The following NBPF20 variants were observed in gnomAD, a reference collection of about 807,000 sequenced individuals.
NBPF20 encodes NBPF family member NBPF20.
In NBPF20, 90 loss-of-function variants were observed where a neutral mutation model predicts 68.1. The observed-to-expected ratio is 1.32, with a 90% CI of 1.11 to 1.58. The LOEUF (loss-of-function observed/expected upper bound fraction) is 1.58. Ranked by LOEUF, NBPF20 falls within the 40% of genes most tolerant of loss-of-function variation. NBPF20 has a pLI of 0.00. For synonymous variants in NBPF20, 290 were observed against 228.1 expected (o/e 1.27, Z -2.45); for missense variants, 816 against 601.2 (o/e 1.36, Z -3.74).
intron 8 of NBPF20, among the ~76,000 whole-genome samples, 151 bp downstream of exon 13, chr1:145,394,827 A>G (rs1216895796): frequency 6.6e-6 from 1 of 152,208 alleles, no homozygotes; most frequent in East Asian, 1.9e-4. Flanking sequence ...TTCAGACTCG[A>G]CTCCAGAGTG....
intron 137 of NBPF20, 34 bp from the exon 143 acceptor site, chr1:145,291,803 G>C (rs1482566444): frequency 5.6e-6 from 9 of 1,611,704 alleles, no homozygotes; most frequent in South Asian, 3.3e-5. Context: ...GAAGCAGCCA[G>C]GGAAAATCAG....
chr1:145,422,110 C>T, the NBPF20 span, among the ~76,000 whole-genome samples: 9 of 150,566 alleles, frequency 6.0e-5, no homozygotes, highest in Non-Finnish European at 1.0e-4. Context: ...CATCATATCA[C>T]GTCGGCCCTT....
intron 3 of NBPF20, 104 bp from the exon 9 acceptor site, chr1:145,402,485 A>T: frequency 8.1e-7 from 1 of 1,233,722 alleles, no homozygotes; most frequent in East Asian, 2.3e-5. Context: ...GAGACCTCGA[A>T]GCAGAAGGTC....
At chr1:145,419,803 G>T in the NBPF20 span, among the ~76,000 whole-genome samples, 10 of 152,168 alleles carry the variant, frequency 6.6e-5, no homozygotes, top group Non-Finnish European at 1.0e-4. Context: ...CCAGAGCAGG[G>T]CATGGTACCT....
chr1:145,405,650 A>T, upstream of NBPF20: 1 of 571,666 alleles, frequency 1.7e-6, no homozygotes, highest in Non-Finnish European at 3.1e-6. Context: ...CTTTGCTGAA[A>T]CACAGGCACC....
chr1:145,294,973 G>C lies in NBPF20; in HGVS notation c.16191-19C>G. 2 of 362,956 alleles carry C rather than the reference G, an allele frequency of 5.5e-6. No individual in the cohort carries two copies. Among genetic ancestry groups the C allele is most frequent in the South Asian group, 2.3e-5 (1 of 43,352 alleles). The allele number at this position is 362,956 out of a possible 1,614,324, so 22.5% of individuals were successfully genotyped here. On this transcript the variant is annotated intron_variant, in intron 133 of 137. Transcript: ENST00000369373. ...GCTGAGCCTGGAAAAGTAGGAAAAA[G>C]TAAAGAATAAGCCAGGGGGAATCAG...
At chr1:145,403,221 C>T in exon 3 of NBPF20, 1 of 1,612,512 alleles carries the variant, frequency 6.2e-7, no homozygotes. Context: ...CTCACCTGAG[C>T]TCCTCAGCTT....
upstream of NBPF20, among the ~76,000 whole-genome samples, chr1:145,410,180 G>T (rs1486507216): frequency 2.6e-5 from 4 of 151,870 alleles, no homozygotes; most frequent in Non-Finnish European, 4.4e-5. Flanking sequence ...CTCACCAACA[G>T]GTGCTATTTT....
chr1:145,410,048 G>T (rs1164829194), upstream of NBPF20, among the ~76,000 whole-genome samples: 3 of 151,940 alleles, frequency 2.0e-5, no homozygotes, highest in Non-Finnish European at 2.9e-5. Context: ...TAAATTCCTA[G>T]GAATGGAATG....
intron 8 of NBPF20, among the ~76,000 whole-genome samples, chr1:145,394,547 A>G (rs1406528257): frequency 6.6e-6 from 1 of 152,070 alleles, no homozygotes; most frequent in East Asian, 1.9e-4. Context: ...ACTGAGAGGT[A>G]GACAAGGGTG....
At chr1:145,393,535 G>T (rs61810768) in intron 9 of NBPF20, among the ~76,000 whole-genome samples, 14 of 151,910 alleles carry the variant, frequency 9.2e-5, no homozygotes, top group African/African-American at 2.9e-4. Flanking sequence ...TGATGAGGGA[G>T]TCAAAGGACA....
intron 5 of NBPF20, 64 bp from the exon 11 acceptor site, chr1:145,400,658 G>A: frequency 6.4e-7 from 1 of 1,558,056 alleles, no homozygotes; most frequent in Non-Finnish European, 8.8e-7. Flanking sequence ...ACCCCAGGGA[G>A]TCCTAGCTGG....
chr1:145,393,722 C>G, intron 9 of NBPF20, 162 bp downstream of exon 14: 1 of 1,500,674 alleles, frequency 6.7e-7, no homozygotes, highest in Non-Finnish European at 9.1e-7. Flanking sequence ...AAATGGAAAC[C>G]TAAACATGTA....
upstream of NBPF20, among the ~76,000 whole-genome samples, chr1:145,408,408 T>C (rs1662891351): frequency 6.6e-6 from 1 of 152,054 alleles, no homozygotes; most frequent in South Asian, 2.1e-4. Flanking sequence ...AAAAAGATTC[T>C]ACTAAAAAAA....
At chr1:145,342,760 C>G (rs1661627945) in intron 73 of NBPF20, among the ~76,000 whole-genome samples, 1 of 116,192 alleles carries the variant, frequency 8.6e-6, no homozygotes, top group African/African-American at 3.6e-5. Flanking sequence ...CAGATAGACA[C>G]ACACACACAC....
At chr1:145,410,303 C>A (rs1553668683), upstream of NBPF20, among the ~76,000 whole-genome samples, 1 of 151,464 alleles carries the variant, frequency 6.6e-6, no homozygotes, top group Non-Finnish European at 1.5e-5. Context: ...GCTAATTGAC[C>A]ATTCATGTAT....
chr1:145,400,909 G>T, intron 5 of NBPF20, 150 bp downstream of exon 10: 1 of 1,025,902 alleles, frequency 9.7e-7, no homozygotes. Context: ...GACAGCTGCC[G>T]CACCCTGTGT....
At chr1:145,395,208 C>T in intron 7 of NBPF20, 67 bp from the exon 13 acceptor site, 1 of 955,044 alleles carries the variant, frequency 1.0e-6, no homozygotes, top group Non-Finnish European at 1.6e-6. Context: ...ACAAAACCTC[C>T]CAGATGATCT....
chr1:145,291,359 A>C, exon 138 of NBPF20: 5 of 1,478,580 alleles, frequency 3.4e-6, no homozygotes, highest in Non-Finnish European at 4.6e-6. Flanking sequence ...TTGTCTTCAG[A>C]CTGAGCACAG....
Sources: allele counts gnomAD v4.1 joint callset (sites outside exome capture counted in the v4.1 genomes callset), GRCh38; gene constraint gnomAD v4.1.1; transcripts MANE v1.5; gene names NCBI Gene and HGNC (gene_info 2026-07-23, HGNC 2026-07-21).